Variants in SPATA13 observed in about 807,000 individuals in gnomAD.
SPATA13 encodes spermatogenesis associated 13.
A neutral mutation model predicts 104.0 loss-of-function variants in SPATA13; 50 were observed. The ratio of observed to expected loss-of-function variants is 0.48; its 90% CI spans 0.38 to 0.61. SPATA13 has a LOEUF of 0.61. Among genes scored for constraint, SPATA13 ranks in the 20% least tolerant of loss-of-function variants. The probability of loss-of-function intolerance (pLI) is 0.00; values close to 1 mark genes in which losing one functional copy is unlikely to be tolerated. For missense variants in SPATA13, 1,524 were observed against 1,690.6 expected (o/e 0.90, Z 1.73); for synonymous variants, 606 against 667.5 (o/e 0.91, Z 1.42).
chr13:24,281,815 C>T (rs1254057115), intron 4 of SPATA13, among the ~76,000 whole-genome samples: 6 of 152,120 alleles, frequency 3.9e-5, no homozygotes, highest in East Asian at 1.9e-4. Context: ...GGGCTGGGGC[C>T]GGGCTGGGAG....
intron 2 of SPATA13, among the ~76,000 whole-genome samples, chr13:24,002,038 A>G (rs960933629): frequency 1.3e-5 from 2 of 152,100 alleles, no homozygotes; most frequent in African/African-American, 4.8e-5. Flanking sequence ...TGTGAGCCAC[A>G]TGTCAACATC....
chr13:24,004,198 TAAAG>T (rs1409110140), intron 2 of SPATA13, among the ~76,000 whole-genome samples: 2 of 152,124 alleles, frequency 1.3e-5, no homozygotes, highest in Non-Finnish European at 1.5e-5. Flanking sequence ...GTAAATTTCA[TAAAG>T]AAAGATGAAT....
Position 24,301,935 on chromosome 13 carries a change from C to G in SPATA13, c.3659-663C>G, listed in dbSNP as rs151296528. 2.1e-3 allele frequency among the ~76,000 whole-genome samples: 313 copies of G among 152,208 alleles called. 1 individual carries two copies. The highest frequency in any genetic ancestry group is 7.3e-3 in the African/African-American group (303 of 41,536). ...GCAACCCCATAGGTACTGTAATCCC[C>G]GTTTTAGGGATTGGGGAACCAAGGC... On this transcript the variant is annotated intron_variant, in intron 12 of 12. Coordinates refer to ENST00000382108, the MANE Select transcript of SPATA13 (RefSeq NM_001166271.3).
intron 3 of SPATA13, among the ~76,000 whole-genome samples, chr13:24,130,194 G>A (rs1881348861): frequency 6.6e-6 from 1 of 152,186 alleles, no homozygotes; most frequent in Admixed American, 6.5e-5. Context: ...ATCATTCAGG[G>A]CAGTCACAAG....
chr13:24,137,156 G>T (rs1881600923), intron 3 of SPATA13, among the ~76,000 whole-genome samples: 1 of 152,156 alleles, frequency 6.6e-6, no homozygotes, highest in African/African-American at 2.4e-5. Flanking sequence ...GAGAGATAAG[G>T]TCACATGCAT....
chr13:24,167,019 G>C (rs952905571), intron 1 of SPATA13, among the ~76,000 whole-genome samples: 29 of 152,198 alleles, frequency 1.9e-4, no homozygotes, highest in Non-Finnish European at 1.5e-5. Flanking sequence ...TTACCAGGGT[G>C]CCTTTAAATA....
rs368980833 is a variant in SPATA13 at position 24,032,321 on chromosome 13, G to A, written c.-112+14620G>A. ...CTCTCCCCTATGGCAATACCACATA[G>A]CAGTGGTCCCTATACCCATTGCAAT... On this transcript the variant is annotated intron_variant, in intron 3 of 14. Transcript: ENST00000424834. Among the ~76,000 whole-genome samples, 8 of 152,298 alleles carry A rather than the reference G, an allele frequency of 5.3e-5. No individual in the cohort carries two copies. In the East Asian group the frequency reaches 9.6e-4, roughly 18 times the overall value.
intron 2 of SPATA13, among the ~76,000 whole-genome samples, chr13:23,993,671 A>G (rs889286084): frequency 3.6e-4 from 55 of 152,322 alleles, no homozygotes; most frequent in African/African-American, 1.3e-3. Context: ...AGGCTAGGAT[A>G]AGTGAGAATT....
chr13:24,178,193 C>T (rs1868552343), intron 1 of SPATA13, among the ~76,000 whole-genome samples: 1 of 152,178 alleles, frequency 6.6e-6, no homozygotes, highest in Admixed American at 6.5e-5. Context: ...ACCAGATCAA[C>T]ATAAAAATTT....
At chr13:24,069,683 G>A (rs561158446) in intron 3 of SPATA13, among the ~76,000 whole-genome samples, 1 of 152,300 alleles carries the variant, frequency 6.6e-6, no homozygotes, top group South Asian at 2.1e-4. Context: ...TTCCAGGGGT[G>A]CATGCCTAAC....
chr13:24,087,187 C>T (rs565594541), intron 3 of SPATA13, among the ~76,000 whole-genome samples: 1 of 152,228 alleles, frequency 6.6e-6, no homozygotes, highest in South Asian at 2.1e-4. Context: ...ACTCCCAGAG[C>T]CTGCCAGCCC....
chr13:24,102,384 C>T (rs900078279), intron 3 of SPATA13, among the ~76,000 whole-genome samples: 1 of 151,516 alleles, frequency 6.6e-6, no homozygotes, highest in African/African-American at 2.4e-5. Flanking sequence ...GATATTAACT[C>T]TTCATCAAAT....
At chr13:24,183,134 CA>C (rs1868916988) in intron 1 of SPATA13, among the ~76,000 whole-genome samples, 1 of 152,138 alleles carries the variant, frequency 6.6e-6, no homozygotes, top group Non-Finnish European at 1.5e-5. Context: ...TTATAATTTC[CA>C]ACACACTCTC....
chr13:23,998,360 C>T (rs192235479), intron 2 of SPATA13, among the ~76,000 whole-genome samples: 2 of 152,152 alleles, frequency 1.3e-5, no homozygotes, highest in Admixed American at 6.5e-5. Context: ...TTCTTATTTT[C>T]CATCTTTATC....
intron 3 of SPATA13, among the ~76,000 whole-genome samples, chr13:24,116,975 G>A (rs1880867702): frequency 1.3e-5 from 2 of 152,188 alleles, no homozygotes. Context: ...GTACTGACCA[G>A]GAACTTAATC....
rs768960474 is a variant in SPATA13 at position 24,294,725 on chromosome 13, C to T, written c.3081-14C>T. On this transcript the variant is annotated splice_polypyrimidine_tract_variant and intron_variant, in intron 9 of 12. Transcript: ENST00000382108. ...TGCATGTTATGTGATTAAAATTAAC[C>T]TCCCATCTTGCAGTGATTACAGCAA... 1.3e-6 allele frequency: 2 copies of T among 1,570,284 alleles called. No individual in the cohort carries two copies. Among genetic ancestry groups the T allele is most frequent in the South Asian group, 2.3e-5 (2 of 88,224 alleles).
At chr13:24,262,439 AT>A (rs1874104191) in intron 4 of SPATA13, among the ~76,000 whole-genome samples, 1 of 152,126 alleles carries the variant, frequency 6.6e-6, no homozygotes, top group Non-Finnish European at 1.5e-5. Context: ...TGTCAATAAA[AT>A]AAGGCAGTAA....
chr13:24,120,975 A>T (rs1881014332), intron 3 of SPATA13, among the ~76,000 whole-genome samples: 1 of 152,192 alleles, frequency 6.6e-6, no homozygotes, highest in African/African-American at 2.4e-5. Flanking sequence ...AAACTGCAAG[A>T]TAACAAACGA....
chr13:24,130,127 T>C (rs996071750), intron 3 of SPATA13, among the ~76,000 whole-genome samples: 2 of 152,192 alleles, frequency 1.3e-5, no homozygotes, highest in African/African-American at 2.4e-5. Context: ...GCAGGGTCTG[T>C]CCTGGCTGAG....
Sources: gnomAD v4.1 joint callset for allele counts (sites outside exome capture counted in the v4.1 genomes callset) on GRCh38, gnomAD v4.1.1 for gene constraint, MANE v1.5 for transcripts, NCBI Gene and HGNC (gene_info 2026-07-23, HGNC 2026-07-21) for gene names.